GOSR2: variants seen among roughly 807,000 people sequenced by gnomAD.
GOSR2 encodes the protein golgi SNAP receptor complex member 2.
In GOSR2, 20 loss-of-function variants were observed where a neutral mutation model predicts 27.9. That is an observed-to-expected ratio of 0.72 (90% confidence interval 0.50 to 1.04). The LOEUF is 1.04. Ranked by LOEUF, GOSR2 falls within the 50% of genes least tolerant of loss-of-function variation. GOSR2 has a pLI of 0.00. For synonymous variants in GOSR2, 91 were observed against 98.8 expected (o/e 0.92, Z 0.47); for missense variants, 261 against 270.5 (o/e 0.97, Z 0.25).
At chr17:46,945,649 A>T (rs1361034372), downstream of GOSR2, among the ~76,000 whole-genome samples, 1 of 152,126 alleles carries the variant, frequency 6.6e-6, no homozygotes, top group Non-Finnish European at 1.5e-5. Flanking sequence ...AGCCCGAGCA[A>T]CAGGATCCAC....
At chr17:46,931,407 C>T (rs2087358885) in intron 3 of GOSR2, 200 bp downstream of exon 3, 1 of 604,374 alleles carries the variant, frequency 1.7e-6, no homozygotes, top group South Asian at 2.0e-5. Context: ...AGGTTTGTGA[C>T]TCAGAAACCT....
chr17:46,954,709 T>TG (rs567462301), intron 6 of GOSR2, among the ~76,000 whole-genome samples: 63 of 152,316 alleles, frequency 4.1e-4, no homozygotes, highest in African/African-American at 1.4e-3. Flanking sequence ...CATTGAGCAG[T>TG]GGTTTGTAGT....
intron 6 of GOSR2, among the ~76,000 whole-genome samples, chr17:46,959,824 A>G (rs2090951737): frequency 6.6e-6 from 1 of 152,168 alleles, no homozygotes; most frequent in Non-Finnish European, 1.5e-5. Flanking sequence ...AGGTCCTCAG[A>G]AGCCATTCTT....
exon 7 of GOSR2, chr17:46,966,749 A>G (rs2091335996): frequency 6.2e-6 from 3 of 480,854 alleles, no homozygotes; most frequent in Non-Finnish European, 1.1e-5. Context: ...GCCTTGTTTC[A>G]TTAAGTGGAG....
At chr17:46,973,528 C>T (rs780592998) in intron 6 of GOSR2, among the ~76,000 whole-genome samples, 1 of 152,024 alleles carries the variant, frequency 6.6e-6, no homozygotes, top group Non-Finnish European at 1.5e-5. Context: ...TCTCCTTATC[C>T]ATGGACTGGA....
At chr17:46,930,827 G>A in intron 2 of GOSR2, 1 of 392,722 alleles carries the variant, frequency 2.5e-6, no homozygotes, top group Non-Finnish European at 4.6e-6. Flanking sequence ...TTTTCTAAAG[G>A]TAGGAAATTT....
Position 46,939,876 on chromosome 17 carries a change from T to C in GOSR2, c.*1116T>C. 2 of 993,450 alleles carry C rather than the reference T, an allele frequency of 2.0e-6. No homozygotes were observed. Among genetic ancestry groups the C allele is most frequent in the Non-Finnish European group, 2.4e-6 (2 of 833,806 alleles). 61.5% of individuals were successfully genotyped at this position (993,450 alleles called of 1,614,324 possible). ...CTGTCCTGAAGTCCATCTAATGTGG[T>C]GAATCACTGAAAGTCTCAGAAAGAC... On this transcript the variant is annotated 3_prime_UTR_variant, in exon 6 of 6. Transcript: ENST00000640051.
chr17:46,947,739 G>A (rs2090024217), intron 6 of GOSR2, among the ~76,000 whole-genome samples: 1 of 152,168 alleles, frequency 6.6e-6, no homozygotes. Context: ...AAAAGTGCCT[G>A]TATTTGAGAG....
At chr17:46,973,406 G>A (rs934849170) in intron 6 of GOSR2, among the ~76,000 whole-genome samples, 9 of 151,898 alleles carry the variant, frequency 5.9e-5, no homozygotes, top group African/African-American at 1.2e-4. Flanking sequence ...CAAGTGATTC[G>A]CCCACCTTAG....
In GOSR2 at chr17:46,931,125, A is replaced by G. The variant is rs2087306731; in HGVS notation, c.121A>G (p.Ile41Val). ...HIVENEIQAS[I>V]DQIFSRLERL... ...AGTAGAAAACGAAATCCAAGCAAGC[A>G]TAGACCAGATATTCAGCCGTCTAGA... Residue 41 changes from isoleucine to valine, a missense_variant, in exon 3 of 6, where the codon ATA becomes GTA. Transcript: ENST00000640051. 9 of 1,607,760 alleles carry G rather than the reference A, an allele frequency of 5.6e-6. No homozygotes were observed. Among genetic ancestry groups the G allele is most frequent in the African/African-American group, 1.3e-5 (1 of 74,800 alleles).
intron 3 of GOSR2, chr17:46,931,548 C>G: frequency 5.4e-6 from 2 of 372,294 alleles, no homozygotes; most frequent in South Asian, 3.3e-5. Context: ...CTGCTGGGTT[C>G]TTCTTGGGTT....
intron 6 of GOSR2, among the ~76,000 whole-genome samples, chr17:46,957,733 C>A (rs984849346): frequency 3.9e-5 from 6 of 152,198 alleles, no homozygotes; most frequent in Non-Finnish European, 8.8e-5. Flanking sequence ...GAATTGATGG[C>A]AGCCCCAGGA....
intron 6 of GOSR2, among the ~76,000 whole-genome samples, chr17:46,974,744 A>AG (rs2091429903): frequency 1.3e-5 from 1 of 76,166 alleles, no homozygotes. Flanking sequence ...AAAAAAAAAA[A>AG]AAAAAGGTCA....
chr17:46,949,412 CAT>C (rs1178797592), intron 6 of GOSR2: 1 of 152,100 alleles, frequency 6.6e-6, no homozygotes, highest in Non-Finnish European at 1.5e-5. Flanking sequence ...CCTCGGAAGT[CAT>C]AGGGCCTCTG....
chr17:46,952,779 C>G (rs1345298640), intron 6 of GOSR2: 2 of 152,120 alleles, frequency 1.3e-5, no homozygotes, highest in African/African-American at 4.8e-5. Context: ...TGCCTGAAGC[C>G]TCAGAACTTC....
chr17:46,925,003 A>G (rs780513862), intron 1 of GOSR2, among the ~76,000 whole-genome samples: 2 of 152,216 alleles, frequency 1.3e-5, no homozygotes, highest in African/African-American at 2.4e-5. Context: ...AGTGCAGCTA[A>G]TCACAGAGAA....
At chr17:46,973,891 C>T (rs1353929532) in intron 6 of GOSR2, among the ~76,000 whole-genome samples, 2 of 152,190 alleles carry the variant, frequency 1.3e-5, no homozygotes, top group Non-Finnish European at 2.9e-5. Flanking sequence ...TACCCGCCAC[C>T]TCGCATGCTC....
chr17:46,923,472 C>T (rs2086002995), intron 1 of GOSR2: 21 of 1,392,572 alleles, frequency 1.5e-5, no homozygotes, highest in Non-Finnish European at 1.9e-5. Context: ...TGACTACCTG[C>T]TGGGTAGACT....
rs772911381 is a variant in GOSR2, at chr17:46,938,579, T to TC, written c.478-19dup. 6.2e-7 allele frequency: 1 copy of TC among 1,613,876 alleles called. No individual in the cohort carries two copies. The highest frequency in any genetic ancestry group is 8.5e-7 in the Non-Finnish European group (1 of 1,179,804). On this transcript the variant is annotated intron_variant, in intron 5 of 5. Transcript: ENST00000640051. Reference sequence around the variant, plus strand: ...AAGCGACTTGATGTTTGTTTTTTTTTCTGTTCTCTTCTGCCCCAGGGGACT... The same window carrying TC: ...AAGCGACTTGATGTTTGTTTTTTTTTCCTGTTCTCTTCTGCCCCAGGGGACT...
Sources: gnomAD v4.1 joint callset for allele counts (sites outside exome capture counted in the v4.1 genomes callset) on GRCh38, gnomAD v4.1.1 for gene constraint, MANE v1.5 for transcripts, NCBI Gene and HGNC (gene_info 2026-07-23, HGNC 2026-07-21) for gene names.